The following FARSB variants were observed in gnomAD, a reference collection of about 807,000 sequenced individuals.
The protein encoded by FARSB is phenylalanyl-tRNA synthetase subunit beta, also known as phenylalanine--tRNA ligase beta subunit.
A neutral mutation model predicts 69.6 loss-of-function variants in FARSB; 40 were observed. The ratio of observed to expected loss-of-function variants is 0.57; its 90% confidence interval spans 0.45 to 0.75. The LOEUF is 0.75. Ranked by LOEUF, FARSB falls within the 30% of genes least tolerant of loss-of-function variation. The probability of loss-of-function intolerance (pLI) is 0.00; values close to 1 mark genes in which losing one functional copy is unlikely to be tolerated. For missense variants in FARSB, 632 were observed against 722.9 expected, an observed-to-expected ratio of 0.87 and a Z score of 1.44; for synonymous variants, 235 against 247.2, an observed-to-expected ratio of 0.95 and a Z score of 0.46.
intron 11 of FARSB, 61 bp downstream of exon 11, chr2:222,624,651 CAA>C (rs886409842): frequency 1.1e-5 from 11 of 1,036,312 alleles, no homozygotes; most frequent in African/African-American, 1.6e-5. Context: ...TGAAGGATCG[CAA>C]AAAAAAAATT....
chr2:222,643,824 A>G (rs989791366), intron 2 of FARSB, among the ~76,000 whole-genome samples: 1 of 152,248 alleles, frequency 6.6e-6, no homozygotes, highest in African/African-American at 2.4e-5. Flanking sequence ...GCAGTGGCAA[A>G]GAGTTTAGAA....
chr2:222,611,236 C>T (rs1345143967), intron 15 of FARSB, among the ~76,000 whole-genome samples: 3 of 151,798 alleles, frequency 2.0e-5, no homozygotes, highest in African/African-American at 7.3e-5. Flanking sequence ...AAAAGTAATA[C>T]CAGAAATGAA....
At chr2:222,590,008 T>A (rs1214846990) in intron 16 of FARSB, among the ~76,000 whole-genome samples, 2 of 152,176 alleles carry the variant, frequency 1.3e-5, no homozygotes, top group African/African-American at 4.8e-5. Flanking sequence ...AGCAATCCCA[T>A]TACTGGGTAT....
At chr2:222,650,228 A>C (rs1410287540) in intron 1 of FARSB, among the ~76,000 whole-genome samples, 2 of 152,220 alleles carry the variant, frequency 1.3e-5, no homozygotes, top group Non-Finnish European at 2.9e-5. Flanking sequence ...TTCATATCAG[A>C]AGATATGATG....
At chr2:222,585,873 C>G in intron 16 of FARSB, among the ~76,000 whole-genome samples, 1 of 152,004 alleles carries the variant, frequency 6.6e-6, no homozygotes. Flanking sequence ...GTGAAAAGAC[C>G]AAATCTACGT....
intron 13 of FARSB, among the ~76,000 whole-genome samples, chr2:222,622,128 C>T (rs933505533): frequency 6.6e-6 from 1 of 152,158 alleles, no homozygotes; most frequent in East Asian, 1.9e-4. Context: ...GCCCACTTCA[C>T]AGGAGTATAC....
At chr2:222,584,213 GA>G (rs201487000) in intron 16 of FARSB, among the ~76,000 whole-genome samples, 13 of 149,794 alleles carry the variant, frequency 8.7e-5, no homozygotes, top group African/African-American at 2.0e-4. Flanking sequence ...AAACAGTTCA[GA>G]AAAAAAAAAT....
rs1689708504 is a variant in FARSB at position 222,571,083 on chromosome 2, T to C, written c.*788A>G. On this transcript the variant is annotated 3_prime_UTR_variant, in exon 17 of 17. Transcript: ENST00000281828. ...GAGAAACTAGTAGCTCAATTAAGTA[T>C]TTAAAACCATGATTTTATAACTGAC... 6.6e-6 allele frequency: 1 copy of C among 152,208 alleles called. No individual in the cohort carries two copies. Among genetic ancestry groups the C allele is most frequent in the African/African-American group, 2.4e-5 (1 of 41,462 alleles). 9.4% of individuals were successfully genotyped at this position (152,208 alleles called of 1,614,324 possible).
chr2:222,609,093 C>A (rs1487048628), intron 15 of FARSB, among the ~76,000 whole-genome samples: 1 of 152,196 alleles, frequency 6.6e-6, no homozygotes, highest in Non-Finnish European at 1.5e-5. Context: ...TAAACTCACT[C>A]AACCCAGTGA....
At chr2:222,606,726 T>C (rs1170184922) in intron 15 of FARSB, among the ~76,000 whole-genome samples, 6 of 152,222 alleles carry the variant, frequency 3.9e-5, no homozygotes, top group African/African-American at 1.4e-4. Context: ...ATTTTTCAAA[T>C]AGGCTCCTGT....
chr2:222,609,079 C>G (rs1432261985), intron 15 of FARSB, among the ~76,000 whole-genome samples: 1 of 152,158 alleles, frequency 6.6e-6, no homozygotes, highest in Non-Finnish European at 1.5e-5. Context: ...GTTCCTTTTA[C>G]ACTTAAACTC....
chr2:222,574,390 A>G (rs2106173755), intron 16 of FARSB, among the ~76,000 whole-genome samples: 1 of 152,332 alleles, frequency 6.6e-6, no homozygotes, highest in South Asian at 2.1e-4. Flanking sequence ...TGAGTATTCT[A>G]CATAACATAA....
intron 7 of FARSB, among the ~76,000 whole-genome samples, chr2:222,632,408 T>C (rs1414528443): frequency 6.6e-6 from 1 of 152,102 alleles, no homozygotes; most frequent in Non-Finnish European, 1.5e-5. Context: ...AGGATTTGGG[T>C]CTAGAACTGG....
chr2:222,633,608 G>T lies in FARSB; in HGVS notation c.607-301C>A, dbSNP rs894522466. On this transcript the variant is annotated intron_variant, in intron 6 of 16. Coordinates refer to ENST00000281828, the MANE Select transcript of FARSB (RefSeq NM_005687.5). The stretch of plus-strand genomic sequence containing the variant: ...GAGGCAGGAGGATCACTTGAACCCG[G>T]GAGGCAGAGGTTGCGGTGAGCTGAG... Among the ~76,000 whole-genome samples, 16 of 151,098 alleles carry T rather than the reference G, an allele frequency of 1.1e-4. 1 individual carries two copies. The highest frequency in any genetic ancestry group is 3.7e-4 in the African/African-American group (15 of 41,092).
chr2:222,624,209 T>C (rs1290223704), intron 12 of FARSB, 63 bp downstream of exon 12: 4 of 1,102,338 alleles, frequency 3.6e-6, no homozygotes, highest in South Asian at 2.5e-5. Context: ...TCTCGAAGCC[T>C]TCCTGGCATT....
At position 222,637,461 on chromosome 2, in the gene FARSB, G is replaced by A. The variant is rs1035499432; in HGVS notation, c.455+2119C>T. ...ATACTGGTGAGCTCAGTATTGATCA[G>A]AACATGCAGCTGAGAAAACTACCCA... is the stretch of plus-strand genomic sequence containing the variant. On this transcript the variant is annotated intron_variant, in intron 5 of 16. Transcript: ENST00000281828. Among the ~76,000 whole-genome samples the A allele has an allele frequency of 3.9e-5, 6 of 152,292 alleles. No homozygotes were observed. The East Asian group carries it at 9.6e-4, about 24-fold the overall frequency.
chr2:222,579,054 T>C (rs185433242), intron 16 of FARSB, among the ~76,000 whole-genome samples: 1 of 152,280 alleles, frequency 6.6e-6, no homozygotes, highest in African/African-American at 2.4e-5. Context: ...TATTCACTCA[T>C]TCCCAGTGCA....
intron 14 of FARSB, 112 bp from the exon 15 acceptor site, chr2:222,614,040 G>A: frequency 1.8e-6 from 1 of 550,034 alleles, no homozygotes; most frequent in African/African-American, 1.9e-5. Context: ...AGACACTTCT[G>A]GAAAATGCAT....
intron 7 of FARSB, among the ~76,000 whole-genome samples, chr2:222,632,611 A>G (rs1691461315): frequency 6.6e-6 from 1 of 152,204 alleles, no homozygotes; most frequent in Admixed American, 6.5e-5. Flanking sequence ...TTCAGAAAGG[A>G]ATTAAGAGGG....
Sources: allele counts gnomAD v4.1 joint callset (sites outside exome capture counted in the v4.1 genomes callset), GRCh38; gene constraint gnomAD v4.1.1; transcripts MANE v1.5; gene names NCBI Gene and HGNC (gene_info 2026-07-23, HGNC 2026-07-21).